The following RBM39 variants were observed in gnomAD, a reference collection of about 807,000 sequenced individuals.
RBM39 encodes RNA-binding protein 39.
A neutral mutation model predicts 79.6 loss-of-function variants in RBM39; 12 were observed. That is an observed-to-expected ratio of 0.15 (90% confidence interval 0.10 to 0.24). The LOEUF is 0.24. RBM39 is among the 10% of genes least tolerant of loss of function. The pLI is 1.00. For synonymous variants in RBM39, 185 were observed against 208.4 expected (o/e 0.89, Z 0.97); for missense variants, 243 against 653.4 (o/e 0.37, Z 6.85).
chr20:35,708,454 C>T (rs1289527883), intron 13 of RBM39, among the ~76,000 whole-genome samples: 5 of 152,022 alleles, frequency 3.3e-5, no homozygotes, highest in African/African-American at 1.2e-4. Flanking sequence ...TAGATCAATG[C>T]AGAACACAGT....
intron 2 of RBM39, chr20:35,740,260 A>G (rs1204508082): frequency 5.7e-6 from 1 of 176,070 alleles, no homozygotes; most frequent in African/African-American, 2.4e-5. Context: ...ACTGAGCAGC[A>G]GATTGCCACT....
intron 3 of RBM39, 78 bp from the exon 4 acceptor site, chr20:35,732,213 AT>A (rs571853641): frequency 2.6e-4 from 330 of 1,287,196 alleles, no homozygotes; most frequent in Non-Finnish European, 3.5e-4. Context: ...GGCCAGAATC[AT>A]TTTTTCATCC....
intron 10 of RBM39, 59 bp downstream of exon 10, chr20:35,716,680 CA>C: frequency 1.9e-6 from 2 of 1,046,846 alleles, no homozygotes; most frequent in Non-Finnish European, 1.4e-6. Flanking sequence ...CTGAGCAACA[CA>C]GCAAATGTAG....
intron 10 of RBM39, among the ~76,000 whole-genome samples, chr20:35,714,599 A>G (rs560929893): frequency 6.4e-4 from 98 of 152,330 alleles, no homozygotes; most frequent in Non-Finnish European, 1.3e-3. Flanking sequence ...AGTTTAAATA[A>G]AAGATATTAC....
intron 3 of RBM39, chr20:35,734,419 C>G (rs956964569): frequency 1.3e-5 from 4 of 312,044 alleles, no homozygotes; most frequent in African/African-American, 8.7e-5. Flanking sequence ...AAACCTAACA[C>G]TATCTCTGTG....
intron 2 of RBM39, 150 bp downstream of exon 2, chr20:35,740,674 A>G: frequency 7.7e-7 from 1 of 1,294,420 alleles, no homozygotes; most frequent in South Asian, 1.3e-5. Context: ...CATCAATAGC[A>G]TATATTTACT....
At chr20:35,736,871 T>G (rs1424230758) in intron 3 of RBM39, among the ~76,000 whole-genome samples, 1 of 149,910 alleles carries the variant, frequency 6.7e-6, no homozygotes, top group Non-Finnish European at 1.5e-5. Context: ...CAGGATGGTC[T>G]CGATCTCCTG....
At chr20:35,731,865 A>T in intron 4 of RBM39, 76 bp downstream of exon 4, 2 of 1,305,994 alleles carry the variant, frequency 1.5e-6, no homozygotes, top group Non-Finnish European at 2.2e-6. Flanking sequence ...TCACAATTCA[A>T]ATCACTCAAG....
At chr20:35,735,531 A>G (rs1000656836) in intron 3 of RBM39, among the ~76,000 whole-genome samples, 1 of 152,240 alleles carries the variant, frequency 6.6e-6, no homozygotes, top group Admixed American at 6.5e-5. Flanking sequence ...CTTTTAAGAC[A>G]ATGAAGTTTT....
chr20:35,730,893 C>A (rs2425110), intron 4 of RBM39, among the ~76,000 whole-genome samples: 12,484 of 152,092 alleles, frequency 0.082, 946 homozygotes, highest in African/African-American at 0.2. Flanking sequence ...ACCAGCATCA[C>A]GGAGTTTAAT....
chr20:35,717,463 C>T (rs952451763), intron 9 of RBM39, among the ~76,000 whole-genome samples: 43 of 152,048 alleles, frequency 2.8e-4, no homozygotes, highest in Admixed American at 2.6e-3. Context: ...AAGGTAGAAA[C>T]AAAATCAACG....
intron 6 of RBM39, among the ~76,000 whole-genome samples, chr20:35,726,997 G>T (rs1279645707): frequency 1.4e-5 from 2 of 143,910 alleles, no homozygotes; most frequent in Non-Finnish European, 3.0e-5. Context: ...GCTAATTTTT[G>T]TACTTTATTA....
At chr20:35,736,668 T>C (rs2039953034) in intron 3 of RBM39, 1 of 451,382 alleles carries the variant, frequency 2.2e-6, no homozygotes, top group African/African-American at 2.0e-5. Context: ...TTATGTTTGT[T>C]TGAGACGGAG....
intron 3 of RBM39, chr20:35,735,180 G>A: frequency 7.3e-7 from 1 of 1,360,908 alleles, no homozygotes; most frequent in Non-Finnish European, 9.5e-7. Flanking sequence ...TCATTTTAAT[G>A]TTATCTTTTA....
At chr20:35,721,628 T>C (rs994868053) in intron 9 of RBM39, 112 bp downstream of exon 9, 2 of 1,265,856 alleles carry the variant, frequency 1.6e-6, no homozygotes, top group Non-Finnish European at 2.2e-6. Context: ...AACCAGCCCT[T>C]ATCCTCTTAA....
intron 3 of RBM39, among the ~76,000 whole-genome samples, chr20:35,737,341 G>T (rs542095936): frequency 2.0e-4 from 29 of 144,168 alleles, no homozygotes; most frequent in Admixed American, 1.8e-3. Flanking sequence ...AGTGAGCCAA[G>T]ACTGCGCCAC....
At chr20:35,716,876 G>A (rs1337549792) in intron 9 of RBM39, 71 bp from the exon 10 acceptor site, 19 of 1,050,462 alleles carry the variant, frequency 1.8e-5, no homozygotes, top group Non-Finnish European at 2.7e-5. Flanking sequence ...CTGAGACATG[G>A]TTTTAAAAAT....
intron 3 of RBM39, among the ~76,000 whole-genome samples, chr20:35,733,083 A>G (rs2039540333): frequency 6.6e-6 from 1 of 152,162 alleles, no homozygotes; most frequent in Non-Finnish European, 1.5e-5. Context: ...CAGGCAGATC[A>G]CTTGAGGTCA....
chr20:35,705,320 C>T lies in RBM39; in HGVS notation c.1318G>A (p.Val440Ile), dbSNP rs1220279560. Residue 440 changes from valine to isoleucine, a missense_variant, in exon 15 of 17, where the codon GTT becomes ATT. Around this residue, in one of 4 missense-constraint regions of RBM39, gnomAD observed 48 missense variants for 130.2 expected, o/e 0.37. Transcript: ENST00000253363. ...TCCTTAATCTCGGTATCCCATCCAA[C>T]TTCTTCTTCTCTGTAAGAAAGTATT... ...NMFNPQTEEE[V>I]GWDTEIKDDV... The T allele has an allele frequency of 6.3e-7, 1 of 1,577,498 alleles. No homozygotes were observed. Among genetic ancestry groups the T allele is most frequent in the Non-Finnish European group, 8.6e-7 (1 of 1,160,220 alleles).
Sources: gnomAD v4.1 joint callset for allele counts (sites outside exome capture counted in the v4.1 genomes callset) on GRCh38, gnomAD v4.1.1 for gene constraint, gnomAD v4.1.1 regional missense constraint, MANE v1.5 for transcripts, NCBI Gene and HGNC (gene_info 2026-07-23, HGNC 2026-07-21) for gene names.